Variants in TSNARE1 observed in about 807,000 individuals in gnomAD.
The protein encoded by TSNARE1 is t-SNARE domain-containing protein 1.
Under a neutral mutation model 62.0 loss-of-function variants are expected in TSNARE1, and 49 were observed. That is an observed-to-expected ratio of 0.79 (90% CI 0.63 to 1.00). TSNARE1 has a LOEUF of 1.00. Among genes scored for constraint, TSNARE1 ranks in the 50% least tolerant of loss-of-function variants. The pLI is 0.00. For synonymous variants in TSNARE1, 328 were observed against 294.4 expected, an observed-to-expected ratio of 1.11 and a Z score of -1.17; for missense variants, 755 against 700.1, an observed-to-expected ratio of 1.08 and a Z score of -0.88.
chr8:142,312,238 A>G (rs980707711), intron 9 of TSNARE1, among the ~76,000 whole-genome samples: 4 of 152,180 alleles, frequency 2.6e-5, no homozygotes, highest in South Asian at 4.1e-4. Flanking sequence ...GGGATGCTCA[A>G]CCTATAAGCT....
intron 13 of TSNARE1, among the ~76,000 whole-genome samples, chr8:142,227,160 ACCTCCACTGTGCCCAC>A (rs1816851502): frequency 5.5e-5 from 8 of 146,318 alleles, no homozygotes; most frequent in African/African-American, 2.1e-4. Flanking sequence ...GACAGCCAGG[ACCTCCACTGTGCCCAC>A]ACCCCAGTGA....
chr8:142,348,373 C>T (rs907036579), intron 2 of TSNARE1, among the ~76,000 whole-genome samples: 5 of 152,196 alleles, frequency 3.3e-5, no homozygotes, highest in African/African-American at 1.2e-4. Context: ...AGCACTCGCA[C>T]AAATCACATG....
intron 13 of TSNARE1, among the ~76,000 whole-genome samples, chr8:142,223,212 T>G (rs1439003837): frequency 2.7e-5 from 4 of 150,218 alleles, no homozygotes; most frequent in African/African-American, 9.9e-5. Context: ...TCATACTCAT[T>G]CACTCATTCA....
At chr8:142,345,450 C>T (rs1833223819) in intron 3 of TSNARE1, among the ~76,000 whole-genome samples, 1 of 152,226 alleles carries the variant, frequency 6.6e-6, no homozygotes, top group South Asian at 2.1e-4. Flanking sequence ...GGGTGAGGGG[C>T]CACAAGAGCA....
intron 1 of TSNARE1, among the ~76,000 whole-genome samples, chr8:142,370,119 G>A (rs1835822233): frequency 6.6e-6 from 1 of 152,164 alleles, no homozygotes; most frequent in East Asian, 1.9e-4. Context: ...CCCCATCTAG[G>A]AACTAGGACA....
chr8:142,277,561 G>A (rs1820711535), intron 11 of TSNARE1: 1 of 985,458 alleles, frequency 1.0e-6, no homozygotes, highest in Non-Finnish European at 1.2e-6. Flanking sequence ...CTCAGGCTTG[G>A]CAGCCACTTT....
intron 4 of TSNARE1, among the ~76,000 whole-genome samples, chr8:142,339,983 A>G (rs1308052819): frequency 4.6e-5 from 7 of 152,210 alleles, no homozygotes; most frequent in Non-Finnish European, 1.0e-4. Context: ...ACAGGGGCTG[A>G]TGATGCAGCC....
intron 4 of TSNARE1, among the ~76,000 whole-genome samples, chr8:142,332,149 G>A (rs1831147103): frequency 6.6e-6 from 1 of 152,214 alleles, no homozygotes; most frequent in Non-Finnish European, 1.5e-5. Flanking sequence ...ACCTGCACGT[G>A]GAGGCTCAGA....
At chr8:142,242,229 C>T (rs75778812) in intron 12 of TSNARE1, among the ~76,000 whole-genome samples, 40 of 35,192 alleles carry the variant, frequency 1.1e-3, no homozygotes, top group African/African-American at 2.9e-3. Context: ...TCTAAAACTA[C>T]AATCTCCATC....
At chr8:142,268,954 C>A (rs955323183) in intron 12 of TSNARE1, among the ~76,000 whole-genome samples, 1 of 152,254 alleles carries the variant, frequency 6.6e-6, no homozygotes, top group Non-Finnish European at 1.5e-5. Context: ...CTGTTTCCTA[C>A]CAAATGCAGT....
At chr8:142,393,530 T>C (rs1837693271) in intron 1 of TSNARE1, among the ~76,000 whole-genome samples, 1 of 152,250 alleles carries the variant, frequency 6.6e-6, no homozygotes, top group African/African-American at 2.4e-5. Flanking sequence ...TTCTCACAAC[T>C]GTATGTGAAT....
intron 13 of TSNARE1, among the ~76,000 whole-genome samples, chr8:142,221,068 G>A (rs1816188003): frequency 6.6e-6 from 1 of 152,224 alleles, no homozygotes; most frequent in Admixed American, 6.5e-5. Context: ...TGGTCAGTGA[G>A]AGAGAGATCC....
At chr8:142,307,367 C>T (rs4075365) in intron 9 of TSNARE1, among the ~76,000 whole-genome samples, 4,166 of 152,312 alleles carry the variant, frequency 0.027, 96 homozygotes, top group Non-Finnish European at 0.04. Flanking sequence ...TATGAGCATT[C>T]TCCCATGTGA....
rs954509005 is a variant in TSNARE1 at position 142,319,202 on chromosome 8, G to A, written c.894-568C>T. Among the ~76,000 whole-genome samples the A allele has an allele frequency of 8.6e-5, 13 of 151,908 alleles. No individual in the cohort carries two copies. Among genetic ancestry groups the A allele is most frequent in the African/African-American group, 2.4e-4 (10 of 41,372 alleles). On this transcript the variant is annotated intron_variant, in intron 6 of 13. Coordinates refer to ENST00000524325, the MANE Select transcript of TSNARE1 (RefSeq NM_145003.5). This position sits in a 1 kb window ranked among gnomAD's most constrained non-coding sequence, Gnocchi z 4.9. ...CCCCACAGACAGGAGGCTGAGCCAC[G>A]AGCCCTCCCTGCAGAAAGGCCCGTC... is the stretch of plus-strand genomic sequence containing the variant.
In TSNARE1 at chr8:142,326,092, C is replaced by T. The variant is rs11992331; in HGVS notation, c.893+4809G>A. ...GCCCCGGAGAGCACGAGACGGATGA[C>T]GAACCAGCACCAGCGAAGGGGAGGG... is the stretch of plus-strand genomic sequence containing the variant. On this transcript the variant is annotated intron_variant, in intron 6 of 13. Coordinates refer to ENST00000524325, the MANE Select transcript of TSNARE1 (RefSeq NM_145003.5). The T allele has an allele frequency of 3.6e-3, 467 of 130,326 alleles. 3 individuals carry two copies. Among genetic ancestry groups the T allele is most frequent in the African/African-American group, 0.015 (424 of 28,990 alleles). 8.1% of individuals were successfully genotyped at this position (130,326 alleles called of 1,614,324 possible).
intron 4 of TSNARE1, among the ~76,000 whole-genome samples, chr8:142,339,440 G>C (rs961258652): frequency 1.3e-5 from 2 of 152,086 alleles, no homozygotes; most frequent in African/African-American, 4.8e-5. Flanking sequence ...GGGGAAGCCA[G>C]GGCGGGCAGG....
At chr8:142,318,440 C>T (rs1424453222) in intron 7 of TSNARE1, 104 bp downstream of exon 7, 46 of 1,156,950 alleles carry the variant, frequency 4.0e-5, no homozygotes, top group Admixed American at 9.5e-5. Context: ...CATCCACACA[C>T]GTCAGCCTCC....
At chr8:142,237,016 G>A (rs1350792057) in intron 12 of TSNARE1, among the ~76,000 whole-genome samples, 1 of 152,200 alleles carries the variant, frequency 6.6e-6, no homozygotes, top group African/African-American at 2.4e-5. Flanking sequence ...ATGGTTATGA[G>A]GGGGGAGCTT....
intron 12 of TSNARE1, among the ~76,000 whole-genome samples, chr8:142,268,463 C>A (rs941596932): frequency 3.9e-5 from 6 of 152,186 alleles, no homozygotes; most frequent in African/African-American, 1.4e-4. Flanking sequence ...ACTGCCAAAT[C>A]GCCTTGGAGG....
Sources: gnomAD v4.1 joint callset for allele counts (sites outside exome capture counted in the v4.1 genomes callset) on GRCh38, gnomAD v4.1.1 for gene constraint, Gnocchi (gnomAD v3.1) non-coding constraint, MANE v1.5 for transcripts, NCBI Gene and HGNC (gene_info 2026-07-23, HGNC 2026-07-21) for gene names.